The following GALNT13 variants were observed in gnomAD, a reference collection of about 807,000 sequenced individuals.
GALNT13 encodes the protein UDP-GalNAc:polypeptide N-acetylgalactosaminyltransferase 13.
In GALNT13, 28 loss-of-function variants were observed where a neutral mutation model predicts 64.2. That is an observed-to-expected ratio of 0.44 (90% CI 0.32 to 0.60). The LOEUF (loss-of-function observed/expected upper bound fraction) is 0.60, where lower values mean the gene tolerates loss of function less well. GALNT13 is among the 20% of genes least tolerant of loss of function. The pLI is 0.05. For missense variants in GALNT13, 577 were observed against 669.8 expected (o/e 0.86, Z 1.53); for synonymous variants, 214 against 224.6 (o/e 0.95, Z 0.42).
intron 3 of GALNT13, among the ~76,000 whole-genome samples, chr2:154,130,341 G>C (rs559155117): frequency 1.6e-3 from 244 of 152,270 alleles, no homozygotes; most frequent in Middle Eastern, 6.8e-3. Flanking sequence ...ACCCGAAGCA[G>C]AGAGCTGGAG....
chr2:153,428,557 A>G, the GALNT13 span, among the ~76,000 whole-genome samples: 66 of 152,332 alleles, frequency 4.3e-4, no homozygotes, highest in African/African-American at 1.4e-3. Flanking sequence ...CATCCAAGCT[A>G]TATCATATGC....
At chr2:153,726,837 G>T in the GALNT13 span, among the ~76,000 whole-genome samples, 1 of 151,746 alleles carries the variant, frequency 6.6e-6, no homozygotes. Context: ...CTACTCAGGA[G>T]GCTGAGGCGG....
At chr2:154,140,189 GT>G (rs1683178420) in intron 3 of GALNT13, 147 bp from the exon 4 acceptor site, 1 of 566,748 alleles carries the variant, frequency 1.8e-6, no homozygotes, top group South Asian at 3.0e-5. Context: ...AGAGTGTGTG[GT>G]TTATAATCAG....
At position 153,939,817 on chromosome 2, in the gene GALNT13, C is replaced by T. The variant is rs144342078; in HGVS notation, c.-104-4577C>T. Among the ~76,000 whole-genome samples the T allele has an allele frequency of 3.9e-3, 592 of 152,250 alleles. 2 individuals are homozygous for T. The highest frequency in any genetic ancestry group is 0.014 in the African/African-American group (567 of 41,552). On this transcript the variant is annotated intron_variant, in intron 2 of 12. Transcript: ENST00000392825. The stretch of plus-strand genomic sequence containing the variant: ...TTATAAGAGGTTACGTGTTACATCC[C>T]TGTACTCATCCTAGCCTTACAAGGT...
intron 4 of GALNT13, among the ~76,000 whole-genome samples, chr2:154,154,077 G>A (rs1486652676): frequency 3.3e-5 from 5 of 152,096 alleles, no homozygotes; most frequent in Non-Finnish European, 7.4e-5. Context: ...CATCTTGGCT[G>A]CTTCAGTGTG....
chr2:153,357,741 T>C, the GALNT13 span, among the ~76,000 whole-genome samples: 2,062 of 152,338 alleles, frequency 0.014, 53 homozygotes, highest in African/African-American at 0.047. Flanking sequence ...TTATTTGTGC[T>C]AACAGTTATC....
the GALNT13 span, among the ~76,000 whole-genome samples, chr2:153,595,453 A>C: frequency 6.6e-6 from 1 of 151,972 alleles, no homozygotes; most frequent in African/African-American, 2.4e-5. Flanking sequence ...GTTATATAAA[A>C]AACTCAGATA....
the GALNT13 span, among the ~76,000 whole-genome samples, chr2:153,464,586 G>T: frequency 6.6e-6 from 1 of 152,130 alleles, no homozygotes; most frequent in Non-Finnish European, 1.5e-5. Flanking sequence ...CTGAGGACAG[G>T]ACATAAAATT....
intron 9 of GALNT13, among the ~76,000 whole-genome samples, chr2:154,306,613 T>G (rs1693744603): frequency 4.7e-5 from 1 of 21,384 alleles, no homozygotes; most frequent in East Asian, 1.7e-3. Context: ...TTAAGGATAA[T>G]TTGGTGGGGG....
chr2:154,035,674 G>C (rs1341980738), intron 3 of GALNT13, among the ~76,000 whole-genome samples: 2 of 151,850 alleles, frequency 1.3e-5, no homozygotes, highest in Non-Finnish European at 2.9e-5. Context: ...ACCAATGTTT[G>C]GAACATAGTA....
intron 3 of GALNT13, among the ~76,000 whole-genome samples, chr2:154,093,100 A>C (rs1416279878): frequency 5.3e-5 from 8 of 152,050 alleles, no homozygotes; most frequent in Non-Finnish European, 1.0e-4. Flanking sequence ...ATGTAGCCCT[A>C]CTTATGTCTC....
the GALNT13 span, among the ~76,000 whole-genome samples, chr2:153,680,213 T>G: frequency 2.8e-4 from 43 of 151,764 alleles, 1 homozygote; most frequent in African/African-American, 1.0e-3. Flanking sequence ...GAGTACATTG[T>G]AAAGTGGGTA....
the GALNT13 span, among the ~76,000 whole-genome samples, chr2:153,540,614 G>T: frequency 1.3e-5 from 2 of 152,162 alleles, no homozygotes; most frequent in Non-Finnish European, 2.9e-5. Context: ...AGCAGCCCCC[G>T]GGCCTGTATC....
the GALNT13 span, among the ~76,000 whole-genome samples, chr2:153,621,877 A>G: frequency 6.6e-6 from 1 of 152,136 alleles, no homozygotes; most frequent in Non-Finnish European, 1.5e-5. Flanking sequence ...GTCTAGAAAA[A>G]GGCACATTGA....
At chr2:154,348,732 C>T (rs1239896494) in intron 9 of GALNT13, among the ~76,000 whole-genome samples, 1 of 151,878 alleles carries the variant, frequency 6.6e-6, no homozygotes, top group East Asian at 1.9e-4. Flanking sequence ...GTAGGAAAAC[C>T]TTCACAAAGC....
the GALNT13 span, among the ~76,000 whole-genome samples, chr2:153,650,857 C>T: frequency 1.9e-4 from 29 of 152,118 alleles, no homozygotes; most frequent in South Asian, 4.1e-4. Context: ...ATCCAAGTTT[C>T]GGAAGTATAA....
At chr2:153,630,226 T>C in the GALNT13 span, among the ~76,000 whole-genome samples, 1 of 151,966 alleles carries the variant, frequency 6.6e-6, no homozygotes, top group Non-Finnish European at 1.5e-5. Flanking sequence ...CTATTCACAA[T>C]AGCAGAGACT....
the GALNT13 span, among the ~76,000 whole-genome samples, chr2:153,339,797 T>C: frequency 2.5e-3 from 383 of 152,278 alleles, 3 homozygotes; most frequent in African/African-American, 8.7e-3. Context: ...AAAATAAGGG[T>C]CTAATTTTAT....
At chr2:153,649,450 G>A in the GALNT13 span, among the ~76,000 whole-genome samples, 1,190 of 150,168 alleles carry the variant, frequency 7.9e-3, 17 homozygotes, top group African/African-American at 0.027. Context: ...AGGGTTTTTT[G>A]TGTCTCTATT....
Sources: gnomAD v4.1 joint callset for allele counts (sites outside exome capture counted in the v4.1 genomes callset) on GRCh38, gnomAD v4.1.1 for gene constraint, MANE v1.5 for transcripts, NCBI Gene and HGNC (gene_info 2026-07-23, HGNC 2026-07-21) for gene names.